Variants in MGAT4C observed in about 807,000 individuals in gnomAD.
MGAT4C encodes the protein MGAT4 family member C.
MGAT4C carries 19 observed loss-of-function variants against 40.1 expected under a neutral mutation model. That is an observed-to-expected ratio of 0.47 (90% CI 0.33 to 0.70). The LOEUF (loss-of-function observed/expected upper bound fraction) is 0.70, where lower values mean the gene tolerates loss of function less well. Among genes scored for constraint, MGAT4C ranks in the 30% least tolerant of loss-of-function variants. The pLI is 0.02. For missense variants in MGAT4C, 491 were observed against 563.2 expected, an observed-to-expected ratio of 0.87 and a Z score of 1.30; for synonymous variants, 181 against 187.1, an observed-to-expected ratio of 0.97 and a Z score of 0.27.
intron 1 of MGAT4C, among the ~76,000 whole-genome samples, chr12:86,767,198 A>G (rs1247694507): frequency 6.6e-6 from 1 of 152,248 alleles, no homozygotes; most frequent in Non-Finnish European, 1.5e-5. Context: ...CACTGATCCC[A>G]CAGAAATACA....
At position 86,782,327 on chromosome 12, in the gene MGAT4C, G is replaced by A. The variant is rs960360091; in HGVS notation, c.-261-55086C>T. Among the ~76,000 whole-genome samples, 13 of 150,538 alleles carry A rather than the reference G, an allele frequency of 8.6e-5. No homozygotes were observed. The East Asian group carries it at 1.8e-3, about 21-fold the overall frequency. On this transcript the variant is annotated intron_variant, in intron 1 of 7. Transcript: ENST00000548651. ...CTCCCAAGTAGCTGGGACTACAGGCGCCCGCCACTACGCCCGGCTAATTTT... is the reference window on the plus strand; with the variant it reads ...CTCCCAAGTAGCTGGGACTACAGGCACCCGCCACTACGCCCGGCTAATTTT...
intron 4 of MGAT4C, among the ~76,000 whole-genome samples, chr12:86,332,564 C>T (rs1372392712): frequency 6.6e-6 from 1 of 151,862 alleles, no homozygotes; most frequent in African/African-American, 2.4e-5. Context: ...CATTGTCTTT[C>T]AAAATATATG....
chr12:86,300,959 C>G lies in MGAT4C; in HGVS notation c.-57+33106G>C, dbSNP rs564377739. Among the ~76,000 whole-genome samples the G allele has an allele frequency of 5.9e-5, 9 of 152,172 alleles. No homozygotes were observed. In the South Asian group the frequency reaches 1.9e-3, roughly 32 times the overall value. On this transcript the variant is annotated intron_variant, in intron 4 of 7. Transcript: ENST00000548651. ...AATTCAAAACAGTGGGGAACTTGCTCTAAATTAGCTATTTACTATGTGCTA... is the reference window on the plus strand; with the variant it reads ...AATTCAAAACAGTGGGGAACTTGCTGTAAATTAGCTATTTACTATGTGCTA...
intron 2 of MGAT4C, among the ~76,000 whole-genome samples, chr12:86,593,593 A>G (rs1961416441): frequency 1.3e-5 from 2 of 152,032 alleles, no homozygotes; most frequent in Non-Finnish European, 2.9e-5. Flanking sequence ...ATTTCAAAAC[A>G]TTTTCTAATT....
chr12:86,437,820 A>G (rs1404652405), intron 2 of MGAT4C, among the ~76,000 whole-genome samples: 2 of 151,870 alleles, frequency 1.3e-5, no homozygotes, highest in African/African-American at 4.8e-5. Flanking sequence ...GGGGCACCAC[A>G]CACCACAACC....
chr12:86,311,685 A>C (rs1470606015), intron 4 of MGAT4C, among the ~76,000 whole-genome samples: 1 of 152,196 alleles, frequency 6.6e-6, no homozygotes, highest in Non-Finnish European at 1.5e-5. Context: ...TTGTCTTTAA[A>C]TTATTACTAA....
intron 2 of MGAT4C, among the ~76,000 whole-genome samples, chr12:86,719,627 T>C (rs929600632): frequency 1.3e-5 from 2 of 152,182 alleles, no homozygotes; most frequent in African/African-American, 4.8e-5. Flanking sequence ...TTTTGTTGTC[T>C]GAATCATCCT....
At chr12:86,064,124 T>C (rs1005645820) in intron 1 of MGAT4C, among the ~76,000 whole-genome samples, 1 of 152,184 alleles carries the variant, frequency 6.6e-6, no homozygotes, top group African/African-American at 2.4e-5. Context: ...ATCACACTTA[T>C]CCTAAAATTG....
chr12:86,326,282 C>T (rs963301623), intron 4 of MGAT4C, among the ~76,000 whole-genome samples: 1 of 146,168 alleles, frequency 6.8e-6, no homozygotes, highest in African/African-American at 2.6e-5. Flanking sequence ...GAGGGTAGAT[C>T]TGCAGTATTC....
intron 1 of MGAT4C, among the ~76,000 whole-genome samples, chr12:86,778,550 A>C (rs1339674935): frequency 6.6e-6 from 1 of 152,204 alleles, no homozygotes; most frequent in Non-Finnish European, 1.5e-5. Context: ...ATTTATCTCC[A>C]ACATCCTCAC....
intron 1 of MGAT4C, among the ~76,000 whole-genome samples, chr12:86,058,100 A>T (rs1358283172): frequency 1.3e-5 from 2 of 151,744 alleles, no homozygotes; most frequent in African/African-American, 4.9e-5. Context: ...TAACACAGTG[A>T]ATATTTTTTG....
At chr12:86,437,522 A>G (rs1338883038) in intron 2 of MGAT4C, among the ~76,000 whole-genome samples, 1 of 151,908 alleles carries the variant, frequency 6.6e-6, no homozygotes, top group Non-Finnish European at 1.5e-5. Flanking sequence ...TATAGTATTT[A>G]TTTGTTCTAG....
intron 1 of MGAT4C, among the ~76,000 whole-genome samples, chr12:86,072,769 A>C (rs969353090): frequency 6.6e-6 from 1 of 152,156 alleles, no homozygotes; most frequent in Non-Finnish European, 1.5e-5. Context: ...AAAAGTAACT[A>C]TACTAATATT....
intron 1 of MGAT4C, among the ~76,000 whole-genome samples, chr12:86,748,503 T>A (rs988600555): frequency 7.9e-5 from 12 of 151,580 alleles, no homozygotes; most frequent in African/African-American, 2.2e-4. Context: ...AGGAAATACG[T>A]GATAAAAATA....
intron 2 of MGAT4C, among the ~76,000 whole-genome samples, chr12:86,017,163 GC>G (rs2136846114): frequency 6.6e-6 from 1 of 152,156 alleles, no homozygotes; most frequent in African/African-American, 2.4e-5. Flanking sequence ...TGAGTACTCA[GC>G]GGAGTGTTTA....
At chr12:86,355,969 C>G (rs1055134121) in intron 3 of MGAT4C, among the ~76,000 whole-genome samples, 1 of 152,012 alleles carries the variant, frequency 6.6e-6, no homozygotes, top group African/African-American at 2.4e-5. Context: ...CATATGATAG[C>G]CACTCCACAA....
chr12:86,613,299 T>TCTC (rs1351853207), intron 2 of MGAT4C, among the ~76,000 whole-genome samples: 1 of 152,292 alleles, frequency 6.6e-6, no homozygotes, highest in East Asian at 1.9e-4. Context: ...CTATATAGGT[T>TCTC]CTCTCAACAT....
At chr12:86,342,658 C>A (rs1238830050) in intron 3 of MGAT4C, among the ~76,000 whole-genome samples, 1 of 152,126 alleles carries the variant, frequency 6.6e-6, no homozygotes, top group Non-Finnish European at 1.5e-5. Flanking sequence ...CCAGGATGAT[C>A]TCGATCTCCT....
At chr12:86,649,223 C>G (rs1963629465) in intron 2 of MGAT4C, among the ~76,000 whole-genome samples, 1 of 151,746 alleles carries the variant, frequency 6.6e-6, no homozygotes, top group African/African-American at 2.4e-5. Context: ...ATGCCCTTCC[C>G]TGAATCTATA....
Sources: gnomAD v4.1 joint callset for allele counts (sites outside exome capture counted in the v4.1 genomes callset) on GRCh38, gnomAD v4.1.1 for gene constraint, MANE v1.5 for transcripts, NCBI Gene and HGNC (gene_info 2026-07-23, HGNC 2026-07-21) for gene names.